Variants in BMERB1 observed in about 807,000 individuals in gnomAD.
BMERB1 encodes the protein bMERB domain-containing protein 1.
Under a neutral mutation model 23.6 loss-of-function variants are expected in BMERB1, and 12 were observed. The ratio of observed to expected loss-of-function variants is 0.51; its 90% CI spans 0.33 to 0.82. The LOEUF (loss-of-function observed/expected upper bound fraction) is 0.82. Among genes scored for constraint, BMERB1 ranks in the 40% least tolerant of loss-of-function variants. The pLI, the probability that BMERB1 is intolerant of heterozygous loss-of-function variation, is 0.03. For synonymous variants in BMERB1, 122 were observed against 96.6 expected (o/e 1.26, Z -1.54); for missense variants, 247 against 255.4 (o/e 0.97, Z 0.22).
At chr16:15,580,695 C>G (rs1229693053) in intron 3 of BMERB1, among the ~76,000 whole-genome samples, 1 of 151,178 alleles carries the variant, frequency 6.6e-6, no homozygotes, top group Admixed American at 6.6e-5. Context: ...CTACAGGCAC[C>G]CGCCACCACA....
chr16:15,486,620 C>T (rs1052754828), intron 1 of BMERB1, among the ~76,000 whole-genome samples: 3 of 151,938 alleles, frequency 2.0e-5, no homozygotes, highest in African/African-American at 7.3e-5. Context: ...TCAACATGAT[C>T]GTGTTAGTGG....
Position 15,519,106 on chromosome 16 carries a change from CACGT to C in BMERB1, c.230+3679_230+3682del, listed in dbSNP as rs796125480. Among the ~76,000 whole-genome samples the C allele has an allele frequency of 1.3e-3, 196 of 148,022 alleles. No individual in the cohort carries two copies. In the East Asian group the frequency reaches 0.021, roughly 16 times the overall value. On this transcript the variant is annotated intron_variant, in intron 2 of 5. Transcript: ENST00000300006. ...ACACACACACACACACACACACACA[CACGT>C]GAGACACTCTTGGCACAGAGTAGGA...
At chr16:15,571,074 C>T (rs1596401135) in intron 3 of BMERB1, among the ~76,000 whole-genome samples, 2 of 152,114 alleles carry the variant, frequency 1.3e-5, no homozygotes, top group African/African-American at 4.8e-5. Flanking sequence ...CCTCCTATCT[C>T]ATCTTGTGAC....
intron 3 of BMERB1, among the ~76,000 whole-genome samples, chr16:15,580,549 C>CT (rs35826126): frequency 0.076 from 10,591 of 138,572 alleles, 1,185 homozygotes; most frequent in African/African-American, 0.23. Flanking sequence ...AGCTCAAGTG[C>CT]TTTTTTTTTT....
At chr16:15,469,861 T>C (rs1024522228) in intron 1 of BMERB1, among the ~76,000 whole-genome samples, 4 of 152,232 alleles carry the variant, frequency 2.6e-5, no homozygotes, top group African/African-American at 4.8e-5. Context: ...TCTAAACTCT[T>C]GTATTAGCTC....
chr16:15,548,806 T>C (rs1373936495), intron 2 of BMERB1, among the ~76,000 whole-genome samples: 1 of 152,230 alleles, frequency 6.6e-6, no homozygotes, highest in Non-Finnish European at 1.5e-5. Flanking sequence ...GCTTATCTGC[T>C]TCTGCTGGTG....
At chr16:15,579,686 A>T (rs759434276) in intron 3 of BMERB1, among the ~76,000 whole-genome samples, 1 of 151,722 alleles carries the variant, frequency 6.6e-6, no homozygotes, top group African/African-American at 2.4e-5. Flanking sequence ...TCTCTTTGGC[A>T]TCCTAGCACT....
At chr16:15,583,046 G>T in intron 4 of BMERB1, 110 bp from the exon 5 acceptor site, 1 of 809,842 alleles carries the variant, frequency 1.2e-6, no homozygotes, top group Non-Finnish European at 2.2e-6. Context: ...CAACATACAT[G>T]CCCCATCCAC....
intron 1 of BMERB1, among the ~76,000 whole-genome samples, chr16:15,437,068 T>C (rs1209324938): frequency 6.6e-6 from 1 of 152,200 alleles, no homozygotes; most frequent in Admixed American, 6.5e-5. Context: ...CCCCGGTCTG[T>C]TGGACCCCAG....
At chr16:15,456,172 G>T (rs1046052827) in intron 1 of BMERB1, among the ~76,000 whole-genome samples, 1 of 152,060 alleles carries the variant, frequency 6.6e-6, no homozygotes. Context: ...TTGTCATTCC[G>T]TCACAAGTTT....
At chr16:15,546,417 A>G (rs2029919618) in intron 2 of BMERB1, among the ~76,000 whole-genome samples, 1 of 152,160 alleles carries the variant, frequency 6.6e-6, no homozygotes, top group Non-Finnish European at 1.5e-5. Context: ...CTGGTATCAG[A>G]ATTAAATTGC....
chr16:15,470,886 C>T (rs1365379363), intron 1 of BMERB1, among the ~76,000 whole-genome samples: 1 of 114,290 alleles, frequency 8.7e-6, no homozygotes, highest in Non-Finnish European at 1.7e-5. Flanking sequence ...ACTCAGGCTG[C>T]AGTGCAGTGG....
intron 5 of BMERB1, among the ~76,000 whole-genome samples, chr16:15,583,470 C>T (rs536222655): frequency 6.0e-5 from 9 of 150,478 alleles, no homozygotes; most frequent in African/African-American, 1.5e-4. Context: ...CCCAGCTACT[C>T]GAGAGGCTGA....
chr16:15,577,622 TGGGGTTTTATATGTTGGCATGTTCC>T (rs962254990), intron 3 of BMERB1, among the ~76,000 whole-genome samples: 15 of 152,074 alleles, frequency 9.9e-5, no homozygotes, highest in Non-Finnish European at 1.6e-4. Context: ...ACCTTTGATT[TGGGGTTTTATATGTTGGCATGTTCC>T]GGGGTTTTAT....
In BMERB1 at chr16:15,588,062, A is replaced by T. The variant is rs1051295160; in HGVS notation, c.*1233A>T. Reference sequence around the variant, plus strand: ...AAAAAGTATGAAGAAGTTTGTCTTAAAAAAAAAAAAAATTATTCCTCCAAC... The same window carrying T: ...AAAAAGTATGAAGAAGTTTGTCTTATAAAAAAAAAAAATTATTCCTCCAAC... On this transcript the variant is annotated 3_prime_UTR_variant, in exon 6 of 6. Coordinates refer to ENST00000300006, the MANE Select transcript of BMERB1 (RefSeq NM_033201.3). 1 of 12,900 alleles carries T rather than the reference A, an allele frequency of 7.8e-5. No homozygotes were observed. Among genetic ancestry groups the T allele is most frequent in the African/African-American group, 2.0e-3 (1 of 502 alleles). 0.8% of individuals were successfully genotyped at this position (12,900 alleles called of 1,614,324 possible).
intron 1 of BMERB1, among the ~76,000 whole-genome samples, chr16:15,462,886 G>T (rs2051147748): frequency 6.6e-6 from 1 of 152,128 alleles, no homozygotes; most frequent in African/African-American, 2.4e-5. Context: ...TCCCTCTGTT[G>T]TCAAGGAAGT....
At chr16:15,462,640 TGA>T (rs1299591609) in intron 1 of BMERB1, among the ~76,000 whole-genome samples, 1 of 152,056 alleles carries the variant, frequency 6.6e-6, no homozygotes, top group Non-Finnish European at 1.5e-5. Flanking sequence ...GGGAACAGCC[TGA>T]ATGCGAACAG....
At chr16:15,581,408 C>A in intron 4 of BMERB1, 77 bp downstream of exon 4, 2 of 1,190,508 alleles carry the variant, frequency 1.7e-6, no homozygotes, top group African/African-American at 1.5e-5. Context: ...CCATCTTCTG[C>A]TCCTGGGACT....
At chr16:15,566,469 G>C (rs34072053) in intron 2 of BMERB1, among the ~76,000 whole-genome samples, 1 of 152,060 alleles carries the variant, frequency 6.6e-6, no homozygotes, top group Admixed American at 6.6e-5. Context: ...ATGAATAGGG[G>C]AATAGTTAAA....
Sources: gnomAD v4.1 joint callset for allele counts (sites outside exome capture counted in the v4.1 genomes callset) on GRCh38, gnomAD v4.1.1 for gene constraint, MANE v1.5 for transcripts, NCBI Gene and HGNC (gene_info 2026-07-23, HGNC 2026-07-21) for gene names.